MTA3: variants seen among roughly 807,000 people sequenced by gnomAD.
The protein encoded by MTA3 is metastasis associated 1 family member 3, also known as metastasis-associated protein MTA3.
A neutral mutation model predicts 83.5 loss-of-function variants in MTA3; 34 were observed. The observed-to-expected ratio is 0.41, with a 90% confidence interval of 0.31 to 0.54. The LOEUF is 0.54. Among genes scored for constraint, MTA3 ranks in the 20% least tolerant of loss-of-function variants. MTA3 has a pLI of 0.33. For synonymous variants in MTA3, 303 were observed against 252.7 expected (o/e 1.20, Z -1.89); for missense variants, 761 against 726.4 (o/e 1.05, Z -0.55).
chr2:42,560,047 A>AT (rs906097452), intron 2 of MTA3, among the ~76,000 whole-genome samples: 3 of 151,812 alleles, frequency 2.0e-5, no homozygotes, highest in East Asian at 1.9e-4. Flanking sequence ...AGTCCAAGTG[A>AT]TTTTTTTTAT....
intron 4 of MTA3, among the ~76,000 whole-genome samples, chr2:42,624,444 C>A (rs1000013938): frequency 6.6e-6 from 1 of 152,086 alleles, no homozygotes; most frequent in Admixed American, 6.5e-5. Context: ...CCTCAGCCTC[C>A]TAAGTAGCTG....
At chr2:42,669,115 C>G (rs7578494) in intron 8 of MTA3, among the ~76,000 whole-genome samples, 111,426 of 146,562 alleles carry the variant, frequency 0.76, 42,638 homozygotes, top group South Asian at 0.88. Flanking sequence ...GAGGTAGTCT[C>G]GCTCTGTCAC....
chr2:42,567,646 GT>G (rs113411179), upstream of MTA3, among the ~76,000 whole-genome samples: 3,872 of 144,126 alleles, frequency 0.027, 133 homozygotes, highest in East Asian at 0.087. Context: ...ATTCAACGTT[GT>G]TTTTTTTTTT....
chr2:42,556,218 C>A (rs1477220432), intron 2 of MTA3, among the ~76,000 whole-genome samples: 1 of 152,120 alleles, frequency 6.6e-6, no homozygotes, highest in African/African-American at 2.4e-5. Flanking sequence ...TTCTGCTTCT[C>A]TATCTCCCCT....
At chr2:42,623,451 C>T (rs1420931746) in intron 4 of MTA3, among the ~76,000 whole-genome samples, 2 of 152,204 alleles carry the variant, frequency 1.3e-5, no homozygotes, top group East Asian at 3.8e-4. Context: ...ACGCCGCTGT[C>T]TTTGGGTCTT....
chr2:42,719,091 A>C lies in MTA3; in HGVS notation c.1612+17A>C. 1 of 1,527,214 alleles carries C rather than the reference A, an allele frequency of 6.5e-7. No individual in the cohort carries two copies. The highest frequency in any genetic ancestry group is 8.9e-7 in the Non-Finnish European group (1 of 1,125,824). 94.6% of individuals were successfully genotyped at this position (1,527,214 alleles called of 1,614,324 possible). ...GGTATTTAGGTGGGTATTTTCTAATAGAGGAAAAACTCAAAGAGCAATTTC... is the reference window on the plus strand; with the variant it reads ...GGTATTTAGGTGGGTATTTTCTAATCGAGGAAAAACTCAAAGAGCAATTTC... On this transcript the variant is annotated intron_variant, in intron 15 of 16. Transcript: ENST00000405094.
intron 2 of MTA3, among the ~76,000 whole-genome samples, chr2:42,576,192 C>T (rs1404798469): frequency 6.6e-6 from 1 of 152,084 alleles, no homozygotes; most frequent in Non-Finnish European, 1.5e-5. Context: ...GAGGGAGACA[C>T]CCGGAAAGAC....
rs943755690 is a variant in MTA3 at position 42,497,924 on chromosome 2, C to G, written c.-141+2670C>G. 2.0e-5 allele frequency among the ~76,000 whole-genome samples: 3 copies of G among 152,144 alleles called. No homozygotes were observed. The East Asian group carries it at 5.8e-4, about 29-fold the overall frequency. ...TGAATTGATTTGTCTAAACATGTGA[C>G]CAACAACAGAGTAACCTGAAACAAA... On this transcript the variant is annotated intron_variant, in intron 2 of 17. Transcript: ENST00000405592.
chr2:42,730,276 G>A (rs559808978), intron 16 of MTA3, among the ~76,000 whole-genome samples: 67 of 152,248 alleles, frequency 4.4e-4, no homozygotes, highest in South Asian at 8.3e-4. Context: ...GTGAAACTGG[G>A]CATCCTTGTC....
chr2:42,524,472 G>GTTTTTTTTTTT (rs58288129), intron 2 of MTA3, among the ~76,000 whole-genome samples: 623 of 70,620 alleles, frequency 8.8e-3, no homozygotes, highest in Non-Finnish European at 0.01. Context: ...GGCTAGTTGT[G>GTTTTTTTTTTT]TTTTTTTTTT....
chr2:42,634,153 T>G (rs555781884), intron 4 of MTA3, among the ~76,000 whole-genome samples: 27 of 152,132 alleles, frequency 1.8e-4, no homozygotes, highest in Non-Finnish European at 3.7e-4. Context: ...CAACAAAAAA[T>G]TATCTGGCCC....
rs952845371 is a variant in MTA3, at chr2:42,531,969, G to C, written c.-141+36715G>C. Reference sequence around the variant, plus strand: ...GATGGTATTTCACTGTGTTAGCTAGGATGGTCTCGATCTCCTGACCTCATG... The same window carrying C: ...GATGGTATTTCACTGTGTTAGCTAGCATGGTCTCGATCTCCTGACCTCATG... On this transcript the variant is annotated intron_variant, in intron 2 of 17. Coordinates refer to the MTA3 transcript ENST00000405592. 2.0e-5 allele frequency among the ~76,000 whole-genome samples: 3 copies of C among 152,016 alleles called. No homozygotes were observed. In the South Asian group the frequency reaches 6.2e-4, roughly 32 times the overall value.
At chr2:42,536,234 GA>G (rs1211626570) in intron 2 of MTA3, among the ~76,000 whole-genome samples, 2 of 152,060 alleles carry the variant, frequency 1.3e-5, no homozygotes, top group Non-Finnish European at 2.9e-5. Flanking sequence ...AGCACTTTGG[GA>G]GGCTGAGATG....
intron 2 of MTA3, among the ~76,000 whole-genome samples, chr2:42,553,592 G>A (rs1320725409): frequency 2.0e-5 from 3 of 150,134 alleles, no homozygotes; most frequent in Non-Finnish European, 3.0e-5. Flanking sequence ...AAAATTAACC[G>A]AGTATGGTGG....
intron 4 of MTA3, among the ~76,000 whole-genome samples, chr2:42,626,341 A>T (rs1390482965): frequency 6.6e-6 from 1 of 151,670 alleles, no homozygotes; most frequent in South Asian, 2.1e-4. Context: ...TCTGTCACCC[A>T]GGCTGGAGTG....
At chr2:42,685,778 T>G (rs558313509) in intron 9 of MTA3, among the ~76,000 whole-genome samples, 2 of 152,230 alleles carry the variant, frequency 1.3e-5, no homozygotes, top group Non-Finnish European at 2.9e-5. Context: ...GGATAGAATG[T>G]CAGAGTGTTA....
chr2:42,682,784 G>A (rs920928403), intron 9 of MTA3, 195 bp downstream of exon 9: 32 of 570,672 alleles, frequency 5.6e-5, no homozygotes, highest in Non-Finnish European at 7.9e-5. Context: ...TAAGACCCAC[G>A]CTATCAGGCC....
At chr2:42,672,464 G>A (rs1390985970) in intron 8 of MTA3, among the ~76,000 whole-genome samples, 2 of 151,590 alleles carry the variant, frequency 1.3e-5, no homozygotes, top group South Asian at 2.1e-4. Context: ...CTAACATGGT[G>A]AAACCCTATC....
At position 42,557,366 on chromosome 2, in the gene MTA3, G is replaced by C. The variant is rs372460926; in HGVS notation, c.-140-13071G>C. On this transcript the variant is annotated intron_variant, in intron 2 of 17. Coordinates refer to the MTA3 transcript ENST00000405592. ...TTGTTCTAGAAGCCTGGAGGGGGTGGGGTAGGGTGGGGGAGTCAGGGCTTC... is the reference window on the plus strand; with the variant it reads ...TTGTTCTAGAAGCCTGGAGGGGGTGCGGTAGGGTGGGGGAGTCAGGGCTTC... Among the ~76,000 whole-genome samples the C allele has an allele frequency of 4.0e-5, 6 of 151,884 alleles. No individual in the cohort carries two copies. In the East Asian group the frequency reaches 5.8e-4, roughly 15 times the overall value.
Sources: gnomAD v4.1 joint callset for allele counts (sites outside exome capture counted in the v4.1 genomes callset) on GRCh38, gnomAD v4.1.1 for gene constraint, MANE v1.5 for transcripts, NCBI Gene and HGNC (gene_info 2026-07-23, HGNC 2026-07-21) for gene names.